RBFOX1: variants seen among roughly 807,000 people sequenced by gnomAD.
The protein encoded by RBFOX1 is RNA binding protein fox-1 homolog 1.
A neutral mutation model predicts 57.7 loss-of-function variants in RBFOX1; 8 were observed. The ratio of observed to expected loss-of-function variants is 0.14; its 90% CI spans 0.08 to 0.25. The LOEUF is 0.25. Ranked by LOEUF, RBFOX1 falls within the 10% of genes least tolerant of loss-of-function variation. The probability of loss-of-function intolerance (pLI) is 1.00; values close to 1 mark genes in which losing one functional copy is unlikely to be tolerated. For synonymous variants in RBFOX1, 326 were observed against 222.4 expected (o/e 1.47, Z -4.15); for missense variants, 611 against 548.5 (o/e 1.11, Z -1.14).
intron 3 of RBFOX1, among the ~76,000 whole-genome samples, chr16:5,653,270 A>C (rs1296649472): frequency 4.0e-5 from 6 of 150,152 alleles, no homozygotes; most frequent in African/African-American, 1.5e-4. Context: ...CTATATGCGG[A>C]AGGTGGGGTG....
At chr16:5,976,666 C>T (rs902521954) in intron 4 of RBFOX1, among the ~76,000 whole-genome samples, 10 of 152,200 alleles carry the variant, frequency 6.6e-5, no homozygotes, top group Admixed American at 2.6e-4. Flanking sequence ...GTCAGGAGTT[C>T]GAGACCAGCC....
chr16:6,981,055 A>AAAAC (rs2088679320), intron 3 of RBFOX1, among the ~76,000 whole-genome samples: 1 of 151,142 alleles, frequency 6.6e-6, no homozygotes, highest in Non-Finnish European at 1.5e-5. Flanking sequence ...AAAAAAAAAA[A>AAAAC]AAAACACTAA....
chr16:7,304,908 GTGGTGTGGTGTGTGT>G (rs1322240869), intron 4 of RBFOX1, among the ~76,000 whole-genome samples: 3 of 128,232 alleles, frequency 2.3e-5, no homozygotes, highest in African/African-American at 9.1e-5. Flanking sequence ...TGTGTGGTGT[GTGGTGTGGTGTGTGT>G]GTGTGTGTGT....
In RBFOX1 at chr16:7,090,325, G is replaced by A. The variant is rs183131430; in HGVS notation, c.27+38227G>A. On this transcript the variant is annotated intron_variant, in intron 4 of 15. Transcript: ENST00000550418. ...GCACCTATCTGTGTTAATAGCACACGATTTCAGTATGTTTTTACTAAGATG... is the reference window on the plus strand; with the variant it reads ...GCACCTATCTGTGTTAATAGCACACAATTTCAGTATGTTTTTACTAAGATG... Among the ~76,000 whole-genome samples the A allele has an allele frequency of 1.3e-3, 197 of 152,248 alleles. 1 individual carries two copies. Among genetic ancestry groups the A allele is most frequent in the African/African-American group, 4.5e-3 (186 of 41,546 alleles).
intron 4 of RBFOX1, among the ~76,000 whole-genome samples, chr16:7,385,771 C>T (rs531694072): frequency 4.9e-4 from 75 of 151,546 alleles, no homozygotes; most frequent in East Asian, 1.6e-3. Flanking sequence ...TGGTTTTTTT[C>T]GAGATAGAGT....
intron 4 of RBFOX1, among the ~76,000 whole-genome samples, chr16:7,500,999 A>G (rs1388957200): frequency 6.6e-6 from 1 of 152,174 alleles, no homozygotes; most frequent in Non-Finnish European, 1.5e-5. Context: ...TGCCATGTGA[A>G]GAAGGACATA....
intron 1 of RBFOX1, among the ~76,000 whole-genome samples, chr16:5,367,700 C>A (rs1329747398): frequency 6.6e-6 from 1 of 152,170 alleles, no homozygotes; most frequent in Admixed American, 6.5e-5. Context: ...ACTTAATCTT[C>A]ATAACTGCGC....
At chr16:6,982,810 T>A (rs2089273921) in intron 3 of RBFOX1, among the ~76,000 whole-genome samples, 1 of 151,986 alleles carries the variant, frequency 6.6e-6, no homozygotes, top group Non-Finnish European at 1.5e-5. Context: ...CTGGCCAACA[T>A]GGCGGAGCCC....
At chr16:7,474,230 T>G (rs543731615) in intron 4 of RBFOX1, among the ~76,000 whole-genome samples, 1 of 152,144 alleles carries the variant, frequency 6.6e-6, no homozygotes, top group Non-Finnish European at 1.5e-5. Flanking sequence ...GAAGTTGCAG[T>G]GAGCCGAGAT....
At chr16:7,634,165 T>C (rs1325432543) in intron 11 of RBFOX1, among the ~76,000 whole-genome samples, 1 of 152,206 alleles carries the variant, frequency 6.6e-6, no homozygotes, top group Non-Finnish European at 1.5e-5. Flanking sequence ...GAGGCTACCA[T>C]ACTTTTCAGC....
intron 3 of RBFOX1, among the ~76,000 whole-genome samples, chr16:6,896,653 G>C (rs140212312): frequency 3.3e-5 from 5 of 152,272 alleles, no homozygotes; most frequent in African/African-American, 1.2e-4. Flanking sequence ...TTAGAACAGT[G>C]CTTGGGCATC....
At chr16:7,384,821 C>T (rs1372864381) in intron 4 of RBFOX1, among the ~76,000 whole-genome samples, 3 of 152,196 alleles carry the variant, frequency 2.0e-5, no homozygotes, top group African/African-American at 4.8e-5. Flanking sequence ...GAACAAAATG[C>T]TGCTGGCATA....
chr16:7,218,783 T>C (rs1337891372), intron 4 of RBFOX1, among the ~76,000 whole-genome samples: 6 of 151,944 alleles, frequency 3.9e-5, no homozygotes, highest in Non-Finnish European at 8.8e-5. Context: ...TTTTTTCTCT[T>C]CTACTGCACG....
At chr16:6,369,018 G>A (rs902123357) in intron 2 of RBFOX1, among the ~76,000 whole-genome samples, 31 of 152,116 alleles carry the variant, frequency 2.0e-4, no homozygotes, top group African/African-American at 6.8e-4. Context: ...ACATGCTTGT[G>A]TAAAATTGAA....
intron 4 of RBFOX1, among the ~76,000 whole-genome samples, chr16:7,215,638 C>G (rs1436949647): frequency 6.6e-6 from 1 of 151,972 alleles, no homozygotes; most frequent in Non-Finnish European, 1.5e-5. Flanking sequence ...AAAAGATCCT[C>G]GGGCAGATTA....
intron 2 of RBFOX1, among the ~76,000 whole-genome samples, chr16:6,554,288 A>T (rs1193107682): frequency 6.6e-6 from 1 of 152,162 alleles, no homozygotes. Context: ...TCTTTCATTT[A>T]GCCTAATGTT....
chr16:5,246,824 C>T (rs1005400139), intron 1 of RBFOX1, among the ~76,000 whole-genome samples: 3 of 152,098 alleles, frequency 2.0e-5, no homozygotes, highest in African/African-American at 4.8e-5. Context: ...GCATGCACCA[C>T]CACGCTCCAC....
chr16:5,882,745 G>A (rs144109054), intron 4 of RBFOX1, among the ~76,000 whole-genome samples: 46 of 152,268 alleles, frequency 3.0e-4, no homozygotes, highest in African/African-American at 1.0e-3. Flanking sequence ...GTCCCTGGGC[G>A]GGTTAAAGAC....
At chr16:5,988,581 T>G (rs2060327250) in intron 4 of RBFOX1, among the ~76,000 whole-genome samples, 1 of 152,154 alleles carries the variant, frequency 6.6e-6, no homozygotes, top group African/African-American at 2.4e-5. Context: ...CTTGGCGGCA[T>G]GAGCCTCCAC....
Sources: allele counts gnomAD v4.1 joint callset (sites outside exome capture counted in the v4.1 genomes callset), GRCh38; gene constraint gnomAD v4.1.1; transcripts MANE v1.5; gene names NCBI Gene and HGNC (gene_info 2026-07-23, HGNC 2026-07-21).